SYNJ1: variants seen among roughly 807,000 people sequenced by gnomAD.
The protein encoded by SYNJ1 is polyphosphatidylinositol phosphatase SYNJ1.
A neutral mutation model predicts 168.2 loss-of-function variants in SYNJ1; 78 were observed. That is an observed-to-expected ratio of 0.46 (90% CI 0.39 to 0.56). SYNJ1 has a LOEUF of 0.56. Ranked by LOEUF, SYNJ1 falls within the 20% of genes least tolerant of loss-of-function variation. SYNJ1 has a pLI of 0.00. For missense variants in SYNJ1, 1,303 were observed against 1,597.6 expected (o/e 0.82, Z 3.14); for synonymous variants, 539 against 548.6 (o/e 0.98, Z 0.24).
intron 2 of SYNJ1, among the ~76,000 whole-genome samples, chr21:32,716,878 T>C (rs953637974): frequency 2.0e-5 from 3 of 152,228 alleles, no homozygotes; most frequent in Non-Finnish European, 2.9e-5. Context: ...TCTATTACTA[T>C]GTCTTCAAGT....
chr21:32,699,285 T>A (rs2146208387), intron 4 of SYNJ1, among the ~76,000 whole-genome samples: 1 of 152,314 alleles, frequency 6.6e-6, no homozygotes, highest in Middle Eastern at 3.4e-3. Flanking sequence ...TTGTCTCAGT[T>A]CTTTCTTTAC....
At chr21:32,656,595 T>G in intron 21 of SYNJ1, 92 bp downstream of exon 21, 1 of 1,156,970 alleles carries the variant, frequency 8.6e-7, no homozygotes, top group African/African-American at 1.6e-5. Flanking sequence ...TCTTTCTTTT[T>G]TAAAATTCTC....
intron 14 of SYNJ1, among the ~76,000 whole-genome samples, chr21:32,671,583 G>T (rs895284550): frequency 4.6e-5 from 7 of 152,180 alleles, no homozygotes; most frequent in South Asian, 2.1e-4. Flanking sequence ...ACATGGGCAG[G>T]TTCCTTCCCT....
chr21:32,682,665 C>T (rs1032704836), intron 10 of SYNJ1, among the ~76,000 whole-genome samples: 1 of 152,112 alleles, frequency 6.6e-6, no homozygotes, highest in Non-Finnish European at 1.5e-5. Flanking sequence ...ATCTTGGTGT[C>T]AAACTTTGTA....
At chr21:32,705,471 A>G (rs1256348789) in intron 2 of SYNJ1, among the ~76,000 whole-genome samples, 5 of 152,236 alleles carry the variant, frequency 3.3e-5, no homozygotes, top group Non-Finnish European at 5.9e-5. Flanking sequence ...AAGTGTTCAA[A>G]GGATAATTGA....
At position 32,631,465 on chromosome 21, in the gene SYNJ1, T is replaced by G; in HGVS notation, c.*340A>C. 1 of 1,614,190 alleles carries G rather than the reference T, an allele frequency of 6.2e-7. No individual in the cohort carries two copies. The highest frequency in any genetic ancestry group is 1.3e-5 in the African/African-American group (1 of 75,054). ...GCCTCTGATTCTTCAGACTTGGCTC[T>G]AAATGGGTTTCCAGGAGCAGCAGTC... On this transcript the variant is annotated 3_prime_UTR_variant, in exon 33 of 33. Transcript: ENST00000674351.
chr21:32,652,843 G>A (rs1484330746), intron 22 of SYNJ1, among the ~76,000 whole-genome samples: 2 of 152,112 alleles, frequency 1.3e-5, no homozygotes, highest in Admixed American at 1.3e-4. Context: ...AATTAATTTA[G>A]TTATGTTTGA....
In SYNJ1 at chr21:32,718,335, G is replaced by A. The variant is rs775714553; in HGVS notation, c.124+8437C>T. ...CTAGGTCAATCCTACTACCAACCCA[G>A]AATAAAAAAGTTTGGTTGATTTTCT... On this transcript the variant is annotated intron_variant, in intron 2 of 32. Coordinates refer to ENST00000674351, the MANE Select transcript of SYNJ1 (RefSeq NM_203446.3). Among the ~76,000 whole-genome samples the A allele has an allele frequency of 3.4e-4, 52 of 152,020 alleles. 1 individual carries two copies. Among genetic ancestry groups the A allele is most frequent in the Admixed American group, 1.3e-4 (2 of 15,272 alleles).
At chr21:32,701,775 T>A (rs900561120) in intron 3 of SYNJ1, among the ~76,000 whole-genome samples, 186 bp downstream of exon 3, 3 of 152,160 alleles carry the variant, frequency 2.0e-5, no homozygotes, top group Admixed American at 6.5e-5. Context: ...AGTTTGAGCA[T>A]GTAGCACGCC....
chr21:32,639,024 C>T lies in SYNJ1; in HGVS notation c.3799G>A (p.Val1267Met). 1 of 1,614,032 alleles carries T rather than the reference C, an allele frequency of 6.2e-7. No individual in the cohort carries two copies. The highest frequency in any genetic ancestry group is 8.5e-7 in the Non-Finnish European group (1 of 1,179,970). Reference sequence around the variant, plus strand: ...CCAGACTGAGGCATAGGTGCTGCCACAGGGACAAGAGGCTCTTGCAACCTT... The same window carrying T: ...CCAGACTGAGGCATAGGTGCTGCCATAGGGACAAGAGGCTCTTGCAACCTT... Reference protein sequence around the residue: ...AQRLQEPLVPVAAPMPQSGPQ... With the variant: ...AQRLQEPLVPMAAPMPQSGPQ... Residue 1267 changes from valine (V) to methionine (M), a missense_variant, in exon 31 of 33, where the codon GTG becomes ATG. Physicochemically the swap from Val to Met is conservative, Grantham distance 21 (BLOSUM62 1). This residue lies in a region of SYNJ1 where 383 missense variants were observed against 388.8 expected (regional missense o/e 0.99). Coordinates refer to ENST00000674351, the MANE Select transcript of SYNJ1 (RefSeq NM_203446.3).
rs2040229619 is a variant in SYNJ1, at chr21:32,650,340, T to A, written c.2881A>T (p.Asn961Tyr). 6.2e-7 allele frequency: 1 copy of A among 1,604,568 alleles called. No individual in the cohort carries two copies. The highest frequency in any genetic ancestry group is 8.5e-7 in the Non-Finnish European group (1 of 1,177,240). Residue 961 changes from asparagine to tyrosine, a missense_variant, in exon 23 of 33, where the codon AAT becomes TAT. Coordinates refer to ENST00000674351, the MANE Select transcript of SYNJ1 (RefSeq NM_203446.3). ...TTTAAAGCAATAGTTATAGTCCGAT[T>A]CAATAACTAGCGGAGTAAAAGAGAT... ...VLSLNGKELL[N>Y]RTITIALKSP...
chr21:32,663,722 A>G (rs1189862550), intron 18 of SYNJ1, among the ~76,000 whole-genome samples: 2 of 152,230 alleles, frequency 1.3e-5, no homozygotes, highest in African/African-American at 4.8e-5. Flanking sequence ...TCGTGGGGAT[A>G]CTGGACCCCC....
intron 2 of SYNJ1, among the ~76,000 whole-genome samples, chr21:32,712,565 T>C (rs1379428641): frequency 6.6e-6 from 1 of 152,194 alleles, no homozygotes; most frequent in African/African-American, 2.4e-5. Flanking sequence ...AAAAAAACTT[T>C]CATTCACGCA....
Position 32,631,357 on chromosome 21 carries a change from C to T in SYNJ1, c.*448G>A. 2 of 1,614,132 alleles carry T rather than the reference C, an allele frequency of 1.2e-6. No homozygotes were observed. The highest frequency in any genetic ancestry group is 1.1e-5 in the South Asian group (1 of 91,078). On this transcript the variant is annotated 3_prime_UTR_variant, in exon 33 of 33. Transcript: ENST00000674351. ...TTAAAGCCATCAAGTGAAGATGAAG[C>T]CCTGCTTTTGTTATGACCAAGAGGC...
At chr21:32,632,949 G>A (rs1280764768) in intron 32 of SYNJ1, among the ~76,000 whole-genome samples, 4 of 152,160 alleles carry the variant, frequency 2.6e-5, no homozygotes, top group Non-Finnish European at 5.9e-5. Context: ...GAACCTGGGA[G>A]GCAGAGGTTG....
intron 2 of SYNJ1, among the ~76,000 whole-genome samples, chr21:32,704,151 AT>A (rs763246073): frequency 7.9e-5 from 12 of 152,366 alleles, no homozygotes; most frequent in East Asian, 5.8e-4. Context: ...CTCCAAATAC[AT>A]AAACGTATGT....
intron 4 of SYNJ1, among the ~76,000 whole-genome samples, chr21:32,695,828 A>G (rs1166579152): frequency 6.7e-6 from 1 of 148,570 alleles, no homozygotes; most frequent in Admixed American, 6.7e-5. Flanking sequence ...AAGCCGGGCT[A>G]ATTTTTTGTT....
chr21:32,696,831 C>T (rs1160556022), intron 4 of SYNJ1, among the ~76,000 whole-genome samples: 1 of 152,172 alleles, frequency 6.6e-6, no homozygotes, highest in Non-Finnish European at 1.5e-5. Flanking sequence ...TCCAGGAAAT[C>T]ACACGGGAAT....
intron 19 of SYNJ1, 142 bp from the exon 20 acceptor site, chr21:32,657,262 G>A (rs764626347): frequency 7.2e-5 from 44 of 610,452 alleles, no homozygotes; most frequent in Non-Finnish European, 1.2e-4. Context: ...TAGGCAGGCA[G>A]TCTAAATACC....
Sources: gnomAD v4.1 joint callset for allele counts (sites outside exome capture counted in the v4.1 genomes callset) on GRCh38, gnomAD v4.1.1 for gene constraint, gnomAD v4.1.1 regional missense constraint, MANE v1.5 for transcripts, NCBI Gene and HGNC (gene_info 2026-07-23, HGNC 2026-07-21) for gene names.